Variants in UBE2E2 observed in about 807,000 individuals in gnomAD.
UBE2E2 encodes ubiquitin conjugating enzyme E2 E2, also known as ubiquitin-conjugating enzyme E2 E2.
A neutral mutation model predicts 24.7 loss-of-function variants in UBE2E2; 6 were observed. The ratio of observed to expected loss-of-function variants is 0.24; its 90% CI spans 0.13 to 0.48. The LOEUF (loss-of-function observed/expected upper bound fraction) is 0.48. Among genes scored for constraint, UBE2E2 ranks in the 20% least tolerant of loss-of-function variants. UBE2E2 has a pLI of 0.99. For synonymous variants in UBE2E2, 104 were observed against 83.6 expected (o/e 1.24, Z -1.33); for missense variants, 169 against 245.0 (o/e 0.69, Z 2.07).
chr3:23,537,459 G>A (rs2125489723), intron 5 of UBE2E2, among the ~76,000 whole-genome samples: 1 of 152,270 alleles, frequency 6.6e-6, no homozygotes, highest in East Asian at 1.9e-4. Flanking sequence ...AGCAAATAGA[G>A]CTAAGAATGG....
At chr3:23,391,635 C>T (rs188267711) in intron 3 of UBE2E2, among the ~76,000 whole-genome samples, 1 of 152,196 alleles carries the variant, frequency 6.6e-6, no homozygotes, top group East Asian at 1.9e-4. Flanking sequence ...ATCTGATTTT[C>T]TTTTGTTTCC....
intron 3 of UBE2E2, among the ~76,000 whole-genome samples, chr3:23,293,829 G>C (rs1374628951): frequency 6.6e-6 from 1 of 152,028 alleles, no homozygotes; most frequent in African/African-American, 2.4e-5. Context: ...TTTAAATTCA[G>C]CTTTAGCCAG....
At chr3:23,467,010 T>C (rs953685242) in intron 3 of UBE2E2, among the ~76,000 whole-genome samples, 5 of 152,200 alleles carry the variant, frequency 3.3e-5, no homozygotes, top group South Asian at 2.1e-4. Flanking sequence ...TCTTGGTAGT[T>C]TAAATGAGAT....
intron 3 of UBE2E2, among the ~76,000 whole-genome samples, chr3:23,414,020 C>T (rs1172006977): frequency 6.6e-6 from 1 of 152,118 alleles, no homozygotes; most frequent in Non-Finnish European, 1.5e-5. Context: ...GCATCCCTTC[C>T]TTAGGAACTC....
chr3:23,396,307 A>ATATATATATATGTATATATATACG (rs1559371462), intron 3 of UBE2E2, among the ~76,000 whole-genome samples: 5 of 122,186 alleles, frequency 4.1e-5, no homozygotes, highest in East Asian at 4.9e-4. Flanking sequence ...TATTTTTTAT[A>ATATATATATATGTATATATATACG]TATATATATA....
intron 3 of UBE2E2, among the ~76,000 whole-genome samples, chr3:23,440,038 G>A (rs903573743): frequency 2.4e-4 from 37 of 151,938 alleles, no homozygotes; most frequent in African/African-American, 7.5e-4. Flanking sequence ...TTGGGAGGCC[G>A]AGGTGGGTGG....
intron 3 of UBE2E2, among the ~76,000 whole-genome samples, chr3:23,402,405 C>T (rs895963603): frequency 6.6e-6 from 1 of 152,082 alleles, no homozygotes; most frequent in Non-Finnish European, 1.5e-5. Flanking sequence ...CCATTTTGGC[C>T]AGAATGGTTT....
chr3:23,556,170 G>A (rs1159801665), intron 5 of UBE2E2, among the ~76,000 whole-genome samples: 1 of 126,568 alleles, frequency 7.9e-6, no homozygotes, highest in African/African-American at 3.1e-5. Flanking sequence ...TTTTGAGATG[G>A]AGTCTTGCTC....
chr3:23,383,513 A>C (rs954390845), intron 3 of UBE2E2, among the ~76,000 whole-genome samples: 1 of 151,794 alleles, frequency 6.6e-6, no homozygotes, highest in Non-Finnish European at 1.5e-5. Flanking sequence ...TTGCAGTGGC[A>C]CTGCATACCT....
chr3:23,327,136 A>G (rs1375534851), intron 3 of UBE2E2, among the ~76,000 whole-genome samples: 2 of 152,190 alleles, frequency 1.3e-5, no homozygotes, highest in East Asian at 1.9e-4. Flanking sequence ...ATAAACATAC[A>G]TGTGCATATG....
chr3:23,544,171 A>AC (rs1307424782), intron 5 of UBE2E2, among the ~76,000 whole-genome samples: 1 of 152,214 alleles, frequency 6.6e-6, no homozygotes, highest in Non-Finnish European at 1.5e-5. Flanking sequence ...TATGAGTAAG[A>AC]CCCCGAAAGC....
chr3:23,512,442 A>ACTCCTGAGCTCAGCCAGTC (rs1559407650), intron 4 of UBE2E2, among the ~76,000 whole-genome samples: 6 of 148,206 alleles, frequency 4.0e-5, no homozygotes, highest in Non-Finnish European at 8.9e-5. Context: ...CTGATCTCAA[A>ACTCCTGAGCTCAGCCAGTC]CTCCTGAGCT....
chr3:23,473,999 A>T (rs1699077635), intron 3 of UBE2E2, among the ~76,000 whole-genome samples: 1 of 152,072 alleles, frequency 6.6e-6, no homozygotes, highest in African/African-American at 2.4e-5. Context: ...TACTGGTTGT[A>T]CCAGTTTACA....
At chr3:23,260,402 A>G (rs1459675784) in intron 3 of UBE2E2, among the ~76,000 whole-genome samples, 1 of 152,214 alleles carries the variant, frequency 6.6e-6, no homozygotes, top group Non-Finnish European at 1.5e-5. Flanking sequence ...AAAATATGAA[A>G]TGTAGGATAT....
chr3:23,498,307 G>T (rs1009414964), intron 3 of UBE2E2, among the ~76,000 whole-genome samples: 2 of 152,090 alleles, frequency 1.3e-5, no homozygotes, highest in African/African-American at 2.4e-5. Context: ...TTTACTGAGG[G>T]TAAAAATCCA....
intron 3 of UBE2E2, among the ~76,000 whole-genome samples, chr3:23,375,490 G>A (rs1348112400): frequency 6.6e-6 from 1 of 152,158 alleles, no homozygotes; most frequent in African/African-American, 2.4e-5. Flanking sequence ...CTGGCGAGAA[G>A]ACTTGGACAG....
intron 3 of UBE2E2, among the ~76,000 whole-genome samples, chr3:23,360,635 A>G (rs967973970): frequency 1.3e-5 from 2 of 152,068 alleles, no homozygotes; most frequent in Non-Finnish European, 1.5e-5. Context: ...TTAATACTTC[A>G]TTTTCCAGTG....
intron 5 of UBE2E2, among the ~76,000 whole-genome samples, chr3:23,546,289 T>A (rs1279019357): frequency 6.6e-6 from 1 of 152,146 alleles, no homozygotes; most frequent in East Asian, 1.9e-4. Flanking sequence ...AAATTACCAG[T>A]GACCTATTTT....
rs1205280965 is a variant in UBE2E2, at chr3:23,299,091, A to G, written c.227+81779A>G. ...TTATTTGCATAGAGGTGTTTATAGT[A>G]TTCTCTGATGGTAGTTTGTATTTCT... On this transcript the variant is annotated intron_variant, in intron 3 of 5. Transcript: ENST00000396703. 5.3e-5 allele frequency among the ~76,000 whole-genome samples: 8 copies of G among 152,166 alleles called. No homozygotes were observed. The East Asian group carries it at 5.8e-4, about 11-fold the overall frequency.
Sources: gnomAD v4.1 joint callset for allele counts (sites outside exome capture counted in the v4.1 genomes callset) on GRCh38, gnomAD v4.1.1 for gene constraint, MANE v1.5 for transcripts, NCBI Gene and HGNC (gene_info 2026-07-23, HGNC 2026-07-21) for gene names.